TBCK: variants seen among roughly 807,000 people sequenced by gnomAD.
TBCK encodes TBC1 domain containing kinase, also known as TBC domain-containing protein kinase-like protein.
In TBCK, 99 loss-of-function variants were observed where a neutral mutation model predicts 113.4. The ratio of observed to expected loss-of-function variants is 0.87; its 90% CI spans 0.74 to 1.03. TBCK has a LOEUF of 1.03. Among genes scored for constraint, TBCK ranks in the 50% least tolerant of loss-of-function variants. The pLI is 0.00. For missense variants in TBCK, 1,045 were observed against 1,061.3 expected, an observed-to-expected ratio of 0.98 and a Z score of 0.21; for synonymous variants, 369 against 370.8, an observed-to-expected ratio of 1.00 and a Z score of 0.05.
chr4:106,300,153 A>C (rs1352771384), intron 2 of TBCK, among the ~76,000 whole-genome samples: 1 of 152,170 alleles, frequency 6.6e-6, no homozygotes, highest in African/African-American at 2.4e-5. Flanking sequence ...TATCCATGTA[A>C]GACGTGACTT....
At chr4:106,241,133 C>T (rs1308110532) in intron 12 of TBCK, among the ~76,000 whole-genome samples, 1 of 151,650 alleles carries the variant, frequency 6.6e-6, no homozygotes, top group Non-Finnish European at 1.5e-5. Context: ...TGGAAAAAAT[C>T]ATACTCATAC....
intron 10 of TBCK, among the ~76,000 whole-genome samples, chr4:106,244,975 T>C (rs1381995035): frequency 6.6e-6 from 1 of 152,026 alleles, no homozygotes; most frequent in South Asian, 2.1e-4. Flanking sequence ...AATTCTTGGA[T>C]CTGTAAGAGA....
intron 22 of TBCK, among the ~76,000 whole-genome samples, chr4:106,193,126 G>A (rs1579192882): frequency 6.6e-6 from 1 of 152,116 alleles, no homozygotes; most frequent in Non-Finnish European, 1.5e-5. Context: ...TGCATTGCAT[G>A]ACATAGATGA....
intron 3 of TBCK, among the ~76,000 whole-genome samples, chr4:106,266,010 A>T (rs895381746): frequency 6.6e-6 from 1 of 151,858 alleles, no homozygotes. Context: ...TCTTAAACAA[A>T]TAGGGAATGT....
chr4:106,178,199 ATCTGT>A (rs2062675972), intron 22 of TBCK, among the ~76,000 whole-genome samples: 1 of 151,974 alleles, frequency 6.6e-6, no homozygotes, highest in Admixed American at 6.6e-5. Flanking sequence ...GAATTCGCAA[ATCTGT>A]TCTAACAGTT....
At position 106,183,856 on chromosome 4, in the gene TBCK, C is replaced by A. The variant is rs947856636; in HGVS notation, c.2059+9753G>T. ...TCACTGACACCATTAGTAATCTATA[C>A]AACATTTTTGCATTATTTGTCCTTG... On this transcript the variant is annotated intron_variant, in intron 22 of 25. Coordinates refer to ENST00000394708, the MANE Select transcript of TBCK (RefSeq NM_001163435.3). Among the ~76,000 whole-genome samples the A allele has an allele frequency of 5.1e-4, 77 of 152,012 alleles. 2 individuals are homozygous for A. Among genetic ancestry groups the A allele is most frequent in the Admixed American group, 5.1e-3 (77 of 15,234 alleles).
At chr4:106,261,661 T>C (rs4560491) in intron 4 of TBCK, among the ~76,000 whole-genome samples, 143,965 of 152,034 alleles carry the variant, frequency 0.95, 68,431 homozygotes, top group African/African-American at 0.98. Context: ...GCATGAACAG[T>C]TGGTAAATAA....
At chr4:106,260,534 A>G (rs1762409196) in intron 4 of TBCK, 24 bp from the exon 5 acceptor site, 2 of 753,872 alleles carry the variant, frequency 2.7e-6, no homozygotes, top group Non-Finnish European at 3.9e-6. Flanking sequence ...GAAAAAAAAC[A>G]CTATCAAATA....
Position 106,131,682 on chromosome 4 carries a change from A to G in TBCK, c.2236-15304T>C, listed in dbSNP as rs186413466. On this transcript the variant is annotated intron_variant, in intron 23 of 25. Transcript: ENST00000394708. ...GTGTGGTGCTGCTGTAAAGATGCCC[A>G]AAAATGTGGAAGCAAGTTTGGAACT... 5.5e-3 allele frequency among the ~76,000 whole-genome samples: 840 copies of G among 152,314 alleles called. 9 individuals are homozygous for G. The highest frequency in any genetic ancestry group is 0.02 in the African/African-American group (811 of 41,566).
intron 19 of TBCK, among the ~76,000 whole-genome samples, chr4:106,214,309 G>T (rs190663640): frequency 7.9e-5 from 12 of 152,006 alleles, no homozygotes; most frequent in Admixed American, 5.2e-4. Context: ...AAATCAGAGC[G>T]CCTCTCCTCC....
chr4:106,149,345 C>T (rs1011756080), intron 23 of TBCK, among the ~76,000 whole-genome samples: 1 of 152,178 alleles, frequency 6.6e-6, no homozygotes, highest in Admixed American at 6.5e-5. Context: ...AGCTTTTGGG[C>T]TATCTTGGCT....
At chr4:106,103,498 G>C (rs1443690774) in intron 24 of TBCK, among the ~76,000 whole-genome samples, 2 of 152,176 alleles carry the variant, frequency 1.3e-5, no homozygotes, top group Non-Finnish European at 2.9e-5. Flanking sequence ...CTGTAAAATA[G>C]TGTAAAATTT....
chr4:106,250,669 A>G (rs569591475), intron 6 of TBCK, among the ~76,000 whole-genome samples, 191 bp from the exon 7 acceptor site: 1 of 152,184 alleles, frequency 6.6e-6, no homozygotes. Flanking sequence ...AAAGTGTTGC[A>G]TAATAGTTAT....
chr4:106,132,281 A>C (rs1411489765), intron 23 of TBCK, among the ~76,000 whole-genome samples: 8 of 152,188 alleles, frequency 5.3e-5, no homozygotes, highest in African/African-American at 1.9e-4. Context: ...CCACTGCTCT[A>C]TGAAGCCTCA....
chr4:106,160,234 A>T (rs527635086), intron 23 of TBCK, among the ~76,000 whole-genome samples: 2 of 152,214 alleles, frequency 1.3e-5, no homozygotes, highest in African/African-American at 2.4e-5. Context: ...TTTCTAGGAG[A>T]TGACACCAAA....
At chr4:106,174,191 C>T (rs1751357259) in intron 22 of TBCK, among the ~76,000 whole-genome samples, 1 of 152,028 alleles carries the variant, frequency 6.6e-6, no homozygotes, top group Admixed American at 6.6e-5. Flanking sequence ...TACCATTATC[C>T]AATTCTCTTA....
Position 106,247,193 on chromosome 4 carries a change from A to T in TBCK, c.877T>A (p.Ser293Thr). 1 of 1,613,574 alleles carries T rather than the reference A, an allele frequency of 6.2e-7. No individual in the cohort carries two copies. Among genetic ancestry groups the T allele is most frequent in the Non-Finnish European group, 8.5e-7 (1 of 1,179,704 alleles). ...FTKPASLFSSSLRCADLTLPE... is the reference protein window; with the variant it reads ...FTKPASLFSSTLRCADLTLPE... ...AGAGTTAAATCAGCACATCTCAGAG[A>T]AGATGAAAACAGACTGGCAGGTTTG... The change falls in exon 10 of 26, where the codon TCT becomes ACT. Residue 293 changes from serine to threonine, a missense_variant. Physicochemically the swap from Ser to Thr is moderately conservative, Grantham distance 58. Transcript: ENST00000394708.
chr4:106,268,529 CT>C (rs1763188719), intron 3 of TBCK, among the ~76,000 whole-genome samples: 1 of 151,958 alleles, frequency 6.6e-6, no homozygotes, highest in Non-Finnish European at 1.5e-5. Flanking sequence ...AGAATAACAC[CT>C]CAAGATAGAA....
intron 22 of TBCK, among the ~76,000 whole-genome samples, chr4:106,175,236 CT>C (rs1285526010): frequency 6.6e-6 from 1 of 150,546 alleles, no homozygotes; most frequent in Non-Finnish European, 1.5e-5. Flanking sequence ...TCATAGTTAT[CT>C]TTCTGAATAA....
Sources: gnomAD v4.1 joint callset for allele counts (sites outside exome capture counted in the v4.1 genomes callset) on GRCh38, gnomAD v4.1.1 for gene constraint, MANE v1.5 for transcripts, NCBI Gene and HGNC (gene_info 2026-07-23, HGNC 2026-07-21) for gene names.